The following DEPDC5 variants were observed in gnomAD, a reference collection of about 807,000 sequenced individuals.
DEPDC5 encodes the protein DEP domain containing 5, GATOR1 subcomplex subunit, also known as GATOR1 complex protein DEPDC5.
A neutral mutation model predicts 217.3 loss-of-function variants in DEPDC5; 73 were observed. That is an observed-to-expected ratio of 0.34 (90% CI 0.28 to 0.41). The LOEUF (loss-of-function observed/expected upper bound fraction) is 0.41. Among genes scored for constraint, DEPDC5 ranks in the 10% least tolerant of loss-of-function variants. DEPDC5 has a pLI of 1.00. For missense variants in DEPDC5, 1,675 were observed against 2,070.1 expected, an observed-to-expected ratio of 0.81 and a Z score of 3.70; for synonymous variants, 733 against 756.7, an observed-to-expected ratio of 0.97 and a Z score of 0.51.
intron 5 of DEPDC5, 91 bp from the exon 6 acceptor site, chr22:31,766,494 T>C: frequency 7.7e-7 from 1 of 1,297,762 alleles, no homozygotes; most frequent in Non-Finnish European, 1.1e-6. Flanking sequence ...TTTTTTGCAA[T>C]AAGTTTTTTT....
intron 2 of DEPDC5, among the ~76,000 whole-genome samples, chr22:31,756,892 G>C (rs980828780): frequency 6.6e-6 from 1 of 151,344 alleles, no homozygotes; most frequent in Non-Finnish European, 1.5e-5. Flanking sequence ...CTACACTCCA[G>C]CCTGGGCAAT....
At chr22:31,793,247 C>T (rs2085882094) in intron 12 of DEPDC5, among the ~76,000 whole-genome samples, 2 of 152,088 alleles carry the variant, frequency 1.3e-5, no homozygotes, top group Admixed American at 1.3e-4. Context: ...AACATTGGTA[C>T]ATTACTATTA....
Position 31,869,562 on chromosome 22 carries a change from CT to C in DEPDC5, c.3331-1025del, listed in dbSNP as rs1366454252. ...CCTCGGTGACAGAGCAAGAGTCTGTCTTTAAAAAAAAAAAAAAAAAAAAAGA... is the reference window on the plus strand; with the variant it reads ...CCTCGGTGACAGAGCAAGAGTCTGTCTTAAAAAAAAAAAAAAAAAAAAAGA... On this transcript the variant is annotated intron_variant, in intron 33 of 42. Transcript: ENST00000651528. Among the ~76,000 whole-genome samples, 12 of 62,402 alleles carry C rather than the reference CT, an allele frequency of 1.9e-4. No homozygotes were observed. The South Asian group carries it at 6.3e-3, about 33-fold the overall frequency. The allele number at this position is 62,402 out of a possible 152,430, so 40.9% of individuals were successfully genotyped here.
chr22:31,781,234 C>CA lies in DEPDC5; in HGVS notation c.484-2660dup, dbSNP rs1288893852. Among the ~76,000 whole-genome samples the CA allele has an allele frequency of 8.8e-3, 1,110 of 126,746 alleles. 6 individuals are homozygous for CA. The highest frequency in any genetic ancestry group is 0.024 in the Middle Eastern group (6 of 250). The allele number at this position is 126,746 out of a possible 152,430, so 83.2% of individuals were successfully genotyped here. On this transcript the variant is annotated intron_variant, in intron 8 of 42. Transcript: ENST00000651528. ...TCGGTCTCAAAAACAAACAAACAAACAAAAAAAAAAAAACAAAGAATTTAT... is the reference window on the plus strand; with the variant it reads ...TCGGTCTCAAAAACAAACAAACAAACAAAAAAAAAAAAAACAAAGAATTTAT...
chr22:31,765,780 TG>T (rs2082759578), intron 5 of DEPDC5, among the ~76,000 whole-genome samples: 1 of 151,542 alleles, frequency 6.6e-6, no homozygotes, highest in East Asian at 2.0e-4. Context: ...CCCAGCACTT[TG>T]GGAGGCCAAG....
chr22:31,820,356 C>T (rs910974810), intron 22 of DEPDC5, among the ~76,000 whole-genome samples: 1 of 152,182 alleles, frequency 6.6e-6, no homozygotes, highest in Non-Finnish European at 1.5e-5. Flanking sequence ...AAGCAGTCCA[C>T]CCACCCCGGC....
chr22:31,757,693 T>C (rs989246620), intron 2 of DEPDC5, among the ~76,000 whole-genome samples: 3 of 152,252 alleles, frequency 2.0e-5, no homozygotes, highest in Non-Finnish European at 4.4e-5. Flanking sequence ...GTTTGCAATA[T>C]TTGATAGAGT....
intron 10 of DEPDC5, among the ~76,000 whole-genome samples, chr22:31,786,336 C>T (rs2084980139): frequency 6.8e-6 from 1 of 147,806 alleles, no homozygotes; most frequent in South Asian, 2.1e-4. Flanking sequence ...GGGCAGATTG[C>T]ATGAGCCCTG....
intron 24 of DEPDC5, among the ~76,000 whole-genome samples, chr22:31,832,168 C>T (rs969156308): frequency 1.3e-5 from 2 of 152,176 alleles, no homozygotes; most frequent in Non-Finnish European, 2.9e-5. Flanking sequence ...TTTATCCTTC[C>T]CCCAGTTGAA....
Position 31,821,716 on chromosome 22 carries a change from T to C in DEPDC5, c.2006+79T>C, listed in dbSNP as rs748719992. On this transcript the variant is annotated intron_variant, in intron 23 of 42. Coordinates refer to ENST00000651528, the MANE Select transcript of DEPDC5 (RefSeq NM_001242896.3). ...CAGGACAATGTGCAGAACAGACTAT[T>C]GACAAAATGTTGTTTAGAAGACTTG... 382 of 1,555,728 alleles carry C rather than the reference T, an allele frequency of 2.5e-4. 1 individual carries two copies. Among genetic ancestry groups the C allele is most frequent in the Non-Finnish European group, 3.2e-4 (360 of 1,142,542 alleles).
chr22:31,906,080 G>T lies in DEPDC5; in HGVS notation c.4519+14G>T. 6.2e-7 allele frequency: 1 copy of T among 1,614,004 alleles called. No individual in the cohort carries two copies. ...TCCACGTTACAGGTGAGGAGCTACGGGCAGAGTTGGGCAGGTGGGTCCACA... is the reference window on the plus strand; with the variant it reads ...TCCACGTTACAGGTGAGGAGCTACGTGCAGAGTTGGGCAGGTGGGTCCACA... On this transcript the variant is annotated intron_variant, in intron 42 of 42. Transcript: ENST00000651528. This position sits in a 1 kb window ranked among gnomAD's most constrained non-coding sequence, Gnocchi z 5.1.
At chr22:31,793,879 A>G (rs2085954011) in intron 12 of DEPDC5, among the ~76,000 whole-genome samples, 1 of 152,072 alleles carries the variant, frequency 6.6e-6, no homozygotes, top group Admixed American at 6.6e-5. Flanking sequence ...TGACACCACT[A>G]TCTAATTGAG....
chr22:31,830,820 G>A (rs2090545459), intron 24 of DEPDC5, among the ~76,000 whole-genome samples: 1 of 151,494 alleles, frequency 6.6e-6, no homozygotes, highest in Admixed American at 6.6e-5. Flanking sequence ...TGCAGACCAA[G>A]TCTAGAACAG....
intron 38 of DEPDC5, among the ~76,000 whole-genome samples, chr22:31,892,665 C>T (rs1260463333): frequency 1.3e-5 from 2 of 152,110 alleles, no homozygotes; most frequent in Non-Finnish European, 2.9e-5. Context: ...GCCCGGGTGA[C>T]ATAGTGAGAC....
At chr22:31,777,067 G>T (rs5998122) in intron 7 of DEPDC5, among the ~76,000 whole-genome samples, 1 of 148,684 alleles carries the variant, frequency 6.7e-6, no homozygotes, top group African/African-American at 2.5e-5. Flanking sequence ...GGTTCAAACG[G>T]TTCTCCTGCC....
chr22:31,867,441 C>A (rs886157476), intron 33 of DEPDC5, among the ~76,000 whole-genome samples: 3 of 152,182 alleles, frequency 2.0e-5, no homozygotes, highest in Non-Finnish European at 2.9e-5. Context: ...CAACCAGATT[C>A]CTTGGGAGAA....
In DEPDC5 at chr22:31,887,419, C is replaced by CAA. The variant is rs567430576; in HGVS notation, c.4034-6144_4034-6143dup. 2.4e-3 allele frequency among the ~76,000 whole-genome samples: 155 copies of CAA among 65,608 alleles called. 3 individuals are homozygous for CAA. Among genetic ancestry groups the CAA allele is most frequent in the African/African-American group, 6.4e-3 (125 of 19,520 alleles). 43.0% of individuals were successfully genotyped at this position (65,608 alleles called of 152,430 possible). The stretch of plus-strand genomic sequence containing the variant: ...GGGCAACAAAAGCGAAACTCTGTCT[C>CAA]AAAAAAAAAAAAAAAAAAAAGAGAA... On this transcript the variant is annotated intron_variant, in intron 38 of 42. Transcript: ENST00000651528.
chr22:31,893,971 A>G, intron 39 of DEPDC5: 1 of 436,296 alleles, frequency 2.3e-6, no homozygotes, highest in South Asian at 4.0e-5. Context: ...CAGTATTGAC[A>G]TCTGAGGCCA....
At chr22:31,871,312 T>C (rs2092836058) in intron 34 of DEPDC5, among the ~76,000 whole-genome samples, 1 of 152,234 alleles carries the variant, frequency 6.6e-6, no homozygotes, top group Non-Finnish European at 1.5e-5. Flanking sequence ...ATTGTCTCAC[T>C]GTATTGACGA....
Sources: allele counts gnomAD v4.1 joint callset (sites outside exome capture counted in the v4.1 genomes callset), GRCh38; gene constraint gnomAD v4.1.1; non-coding constraint Gnocchi (gnomAD v3.1); transcripts MANE v1.5; gene names NCBI Gene and HGNC (gene_info 2026-07-23, HGNC 2026-07-21).